AMZ1: variants seen among roughly 807,000 people sequenced by gnomAD.
AMZ1 encodes archaelysin family metallopeptidase 1.
In AMZ1, 39 loss-of-function variants were observed where a neutral mutation model predicts 29.9. The observed-to-expected ratio is 1.30, with a 90% confidence interval of 1.01 to 1.70. The LOEUF (loss-of-function observed/expected upper bound fraction) is 1.70, where lower values mean the gene tolerates loss of function less well. Ranked by LOEUF, AMZ1 falls within the 40% of genes most tolerant of loss-of-function variation. AMZ1 has a pLI of 0.00. For missense variants in AMZ1, 1,041 were observed against 680.6 expected (o/e 1.53, Z -5.89); for synonymous variants, 458 against 304.0 (o/e 1.51, Z -5.27).
rs143141138 is a variant in AMZ1, at chr7:2,709,094, C to A, written c.621C>A (p.Phe207Leu). Residue 207 changes from phenylalanine (F) to leucine (L), a missense_variant, in exon 5 of 7, where the codon TTC becomes TTA. Coordinates refer to ENST00000683327, the MANE Select transcript of AMZ1 (RefSeq NM_001384743.1). ...LPGHEVGVCS[F>L]ARFSGEFPKS... Reference sequence around the variant, plus strand: ...CTCCAGAAGTGGGCGTCTGCAGCTTCGCCCGGTTCTCAGGGGAATTCCCGA... The same window carrying A: ...CTCCAGAAGTGGGCGTCTGCAGCTTAGCCCGGTTCTCAGGGGAATTCCCGA... 3.1e-6 allele frequency: 5 copies of A among 1,597,590 alleles called. No homozygotes were observed. The Admixed American group carries it at 8.7e-5, about 28-fold the overall frequency.
chr7:2,761,061 C>A (rs968658752), upstream of AMZ1, among the ~76,000 whole-genome samples: 1 of 152,214 alleles, frequency 6.6e-6, no homozygotes, highest in East Asian at 1.9e-4. Context: ...TAAACGGAGT[C>A]AGGAACGTAG....
chr7:2,724,655 A>T (rs1184953705), downstream of AMZ1, among the ~76,000 whole-genome samples: 1 of 152,104 alleles, frequency 6.6e-6, no homozygotes. Context: ...GTTACAACAC[A>T]CATCCGAAAG....
At chr7:2,685,363 G>A (rs1173898409), upstream of AMZ1, among the ~76,000 whole-genome samples, 1 of 151,208 alleles carries the variant, frequency 6.6e-6, no homozygotes, top group Admixed American at 6.6e-5. Flanking sequence ...TTCGAGACCA[G>A]CCTGGCCAAC....
intron 4 of AMZ1, among the ~76,000 whole-genome samples, chr7:2,749,498 C>A (rs1388632227): frequency 1.4e-5 from 2 of 141,312 alleles, no homozygotes; most frequent in Non-Finnish European, 3.0e-5. Context: ...ACATCACACA[C>A]CGGGGACTAT....
At position 2,709,683 on chromosome 7, in the gene AMZ1, G is replaced by T. The variant is rs148137749; in HGVS notation, c.815G>T (p.Cys272Phe). The T allele has an allele frequency of 4.5e-4, 720 of 1,610,792 alleles. No homozygotes were observed. The highest frequency in any genetic ancestry group is 1.3e-3 in the Admixed American group (80 of 59,984). ...TGCCACCTTCTGGGCCTGGGGAACT[G>T]CCGCTGGCTCCGCTGCCTCATGCAG... is the stretch of plus-strand genomic sequence containing the variant. ...ELCHLLGLGN[C>F]RWLRCLMQGA... Residue 272 changes from cysteine (C) to phenylalanine (F), a missense_variant, in exon 6 of 7, where the codon TGC becomes TTC. Cys to Phe is a radical substitution (Grantham distance 205). Coordinates refer to ENST00000683327, the MANE Select transcript of AMZ1 (RefSeq NM_001384743.1).
chr7:2,763,162 G>C, upstream of AMZ1: 1 of 1,137,430 alleles, frequency 8.8e-7, no homozygotes, highest in Middle Eastern at 3.6e-4. Flanking sequence ...CTGCTGACAA[G>C]AGGTTAGCAG....
At chr7:2,757,829 A>C (rs1255212470) in intron 4 of AMZ1, among the ~76,000 whole-genome samples, 1 of 152,124 alleles carries the variant, frequency 6.6e-6, no homozygotes, top group Non-Finnish European at 1.5e-5. Context: ...GAGTCAATGA[A>C]GACATGTGTT....
At chr7:2,690,035 C>G (rs1583140005) in intron 1 of AMZ1, among the ~76,000 whole-genome samples, 1 of 152,120 alleles carries the variant, frequency 6.6e-6, no homozygotes, top group African/African-American at 2.4e-5. Context: ...ACGAATGTGG[C>G]CACAAGGCTT....
upstream of AMZ1, among the ~76,000 whole-genome samples, chr7:2,763,590 A>T (rs572335079): frequency 8.4e-4 from 128 of 152,338 alleles, 1 homozygote; most frequent in African/African-American, 2.9e-3. Flanking sequence ...AACAAAAAAC[A>T]ATTATTTTAA....
intron 4 of AMZ1, among the ~76,000 whole-genome samples, chr7:2,757,013 G>A (rs1791330230): frequency 6.6e-6 from 1 of 152,130 alleles, no homozygotes; most frequent in Non-Finnish European, 1.5e-5. Context: ...GTTCGAGGCT[G>A]CAGTGAACCG....
chr7:2,739,318 TCTGC>T (rs1365703620), intron 4 of AMZ1, among the ~76,000 whole-genome samples: 1 of 152,026 alleles, frequency 6.6e-6, no homozygotes, highest in African/African-American at 2.4e-5. Context: ...ACAACACGAA[TCTGC>T]TTTCTGTCTC....
rs1364360597 is a variant in AMZ1, at chr7:2,712,387, G to A, written c.1006G>A (p.Glu336Lys). The change falls in exon 7 of 7, where the codon GAG becomes AAG. Residue 336 changes from glutamate to lysine, a missense_variant. Transcript: ENST00000683327. The part of the protein sequence containing the change: ...VGTWPSQEAG[E>K]PSVWEDTPPA... ...GACGTGGCCCAGCCAGGAGGCGGGG[G>A]AGCCGTCAGTGTGGGAGGACACCCC... 3 of 1,609,414 alleles carry A rather than the reference G, an allele frequency of 1.9e-6. No individual in the cohort carries two copies. Among genetic ancestry groups the A allele is most frequent in the Admixed American group, 3.4e-5 (2 of 59,660 alleles).
intron 1 of AMZ1, among the ~76,000 whole-genome samples, chr7:2,696,412 A>G (rs1245425285): frequency 2.2e-4 from 33 of 150,572 alleles, no homozygotes; most frequent in Middle Eastern, 3.4e-3. Flanking sequence ...GCCCGCCACC[A>G]CGCCTGGCTA....
upstream of AMZ1, among the ~76,000 whole-genome samples, chr7:2,684,570 G>A (rs528868982): frequency 4.2e-4 from 64 of 152,302 alleles, no homozygotes; most frequent in East Asian, 2.5e-3. Flanking sequence ...CCCATATCAC[G>A]GCCTCTTTCT....
intron 6 of AMZ1, among the ~76,000 whole-genome samples, chr7:2,712,103 T>C (rs576447097): frequency 1.3e-5 from 2 of 152,270 alleles, no homozygotes; most frequent in East Asian, 1.9e-4. Context: ...GCTTGCGAAG[T>C]TCCTGAATGG....
At chr7:2,762,458 C>T, upstream of AMZ1, 2 of 563,350 alleles carry the variant, frequency 3.6e-6, no homozygotes, top group East Asian at 3.4e-5. Context: ...ACTCCAAAGT[C>T]CAGCCTCTGA....
rs910525249 is a variant in AMZ1 at position 2,718,136 on chromosome 7, C to T, written c.*5258C>T. Among the ~76,000 whole-genome samples, 12 of 152,222 alleles carry T rather than the reference C, an allele frequency of 7.9e-5. No homozygotes were observed. Among genetic ancestry groups the T allele is most frequent in the African/African-American group, 2.7e-4 (11 of 41,458 alleles). On this transcript the variant is annotated 3_prime_UTR_variant, in exon 7 of 7. Transcript: ENST00000683327. Reference sequence around the variant, plus strand: ...CAGATTCCACCACTGAGGCCTCCCTCGATGCCTGCTCCCTGGGCTTTTTAA... The same window carrying T: ...CAGATTCCACCACTGAGGCCTCCCTTGATGCCTGCTCCCTGGGCTTTTTAA...
At chr7:2,688,628 G>A (rs1445654892) in intron 1 of AMZ1, among the ~76,000 whole-genome samples, 1 of 152,200 alleles carries the variant, frequency 6.6e-6, no homozygotes, top group East Asian at 1.9e-4. Context: ...AGCAAACTGG[G>A]GACGGGTCGG....
intron 2 of AMZ1, among the ~76,000 whole-genome samples, chr7:2,701,370 C>T (rs564179947): frequency 9.9e-5 from 15 of 152,248 alleles, no homozygotes; most frequent in African/African-American, 3.6e-4. Flanking sequence ...GACTGGAACG[C>T]AGTTCTATTT....
Sources: gnomAD v4.1 joint callset for allele counts (sites outside exome capture counted in the v4.1 genomes callset) on GRCh38, gnomAD v4.1.1 for gene constraint, MANE v1.5 for transcripts, NCBI Gene and HGNC (gene_info 2026-07-23, HGNC 2026-07-21) for gene names.